The following RBMS2 variants were observed in gnomAD, a reference collection of about 807,000 sequenced individuals.
RBMS2 encodes the protein RNA binding motif single stranded interacting protein 2.
A neutral mutation model predicts 58.4 loss-of-function variants in RBMS2; 38 were observed. That is an observed-to-expected ratio of 0.65 (90% confidence interval 0.50 to 0.85). RBMS2 has a LOEUF of 0.85. Ranked by LOEUF, RBMS2 falls within the 40% of genes least tolerant of loss-of-function variation. RBMS2 has a pLI of 0.00. For synonymous variants in RBMS2, 151 were observed against 180.7 expected, an observed-to-expected ratio of 0.84 and a Z score of 1.32; for missense variants, 367 against 503.7, an observed-to-expected ratio of 0.73 and a Z score of 2.60.
intron 5 of RBMS2, among the ~76,000 whole-genome samples, chr12:56,579,071 A>G (rs1883540397): frequency 6.6e-6 from 1 of 152,130 alleles, no homozygotes. Context: ...AAGTCCCCCA[A>G]CTTTGTTGTT....
intron 1 of RBMS2, among the ~76,000 whole-genome samples, chr12:56,557,085 C>G (rs1203037992): frequency 2.0e-5 from 3 of 152,058 alleles, no homozygotes; most frequent in Admixed American, 2.0e-4. Context: ...TTATGATGCT[C>G]TCTTGTTGAA....
intron 1 of RBMS2, among the ~76,000 whole-genome samples, chr12:56,523,577 G>A (rs371304259): frequency 2.6e-5 from 4 of 152,050 alleles, no homozygotes; most frequent in Admixed American, 6.6e-5. Flanking sequence ...TCAGGAGTTC[G>A]AGACCAGCCT....
chr12:56,538,519 A>G (rs10735864), intron 1 of RBMS2, among the ~76,000 whole-genome samples: 86,015 of 134,942 alleles, frequency 0.64, 26,947 homozygotes, highest in East Asian at 0.74. Context: ...AGGCTGTCTC[A>G]CTCTGTCACC....
At chr12:56,520,853 T>TA (rs1443197186), upstream of RBMS2, among the ~76,000 whole-genome samples, 9 of 152,276 alleles carry the variant, frequency 5.9e-5, no homozygotes, top group East Asian at 1.7e-3. Flanking sequence ...TCATGGATCT[T>TA]AAAGATGAGG....
upstream of RBMS2, among the ~76,000 whole-genome samples, chr12:56,521,099 TG>T (rs1435533286): frequency 6.6e-6 from 1 of 152,118 alleles, no homozygotes; most frequent in Non-Finnish European, 1.5e-5. Flanking sequence ...CTCTGCTCTT[TG>T]GTGTGTTCCT....
intron 9 of RBMS2, 125 bp downstream of exon 9, chr12:56,582,277 C>G (rs1324621729): frequency 5.0e-6 from 4 of 804,136 alleles, no homozygotes; most frequent in Middle Eastern, 4.7e-4. Flanking sequence ...CACAATTTTA[C>G]ATAACAGCGT....
intron 1 of RBMS2, among the ~76,000 whole-genome samples, chr12:56,549,088 G>A (rs994339826): frequency 6.6e-6 from 1 of 151,950 alleles, no homozygotes; most frequent in African/African-American, 2.4e-5. Context: ...AACCTCCGAC[G>A]CCCAGGTTCA....
rs112552461 is a variant in RBMS2 at position 56,575,436 on chromosome 12, C to T, written c.542+3581C>T. ...TGGGCTACAGAGTGAGACCCTGTCT[C>T]AATAAATAAATCAATACAGGAATAT... On this transcript the variant is annotated intron_variant, in intron 5 of 13. Coordinates refer to ENST00000262031, the MANE Select transcript of RBMS2 (RefSeq NM_002898.4). Among the ~76,000 whole-genome samples, 277 of 151,848 alleles carry T rather than the reference C, an allele frequency of 1.8e-3. 1 individual carries two copies. The highest frequency in any genetic ancestry group is 6.4e-3 in the African/African-American group (267 of 41,412).
rs373238007 is a variant in RBMS2, at chr12:56,535,933, A to G, written c.66+13844A>G. Among the ~76,000 whole-genome samples, 7 of 152,216 alleles carry G rather than the reference A, an allele frequency of 4.6e-5. No individual in the cohort carries two copies. The East Asian group carries it at 9.7e-4, about 21-fold the overall frequency. ...AACGATTGTCCTGGTGTGGTGGCTA[A>G]CACCTGTAATCCTAGCACTTTGGGA... is the stretch of plus-strand genomic sequence containing the variant. On this transcript the variant is annotated intron_variant, in intron 1 of 13. Coordinates refer to ENST00000262031, the MANE Select transcript of RBMS2 (RefSeq NM_002898.4).
intron 1 of RBMS2, among the ~76,000 whole-genome samples, chr12:56,535,146 C>G (rs181601245): frequency 1.3e-5 from 2 of 152,046 alleles, no homozygotes; most frequent in South Asian, 2.1e-4. Flanking sequence ...CTTGGAGTAC[C>G]CCAGGACTCA....
At chr12:56,567,444 G>A (rs1565763062) in intron 2 of RBMS2, among the ~76,000 whole-genome samples, 1 of 151,100 alleles carries the variant, frequency 6.6e-6, no homozygotes, top group African/African-American at 2.4e-5. Flanking sequence ...AGGAGAGGAA[G>A]AAGAAGAAGA....
intron 4 of RBMS2, 67 bp from the exon 5 acceptor site, chr12:56,571,631 G>A (rs1331971694): frequency 2.9e-6 from 4 of 1,388,144 alleles, no homozygotes; most frequent in Non-Finnish European, 3.8e-6. Context: ...TGTCATTTGT[G>A]GGGAGGGCTG....
intron 1 of RBMS2, among the ~76,000 whole-genome samples, chr12:56,531,816 CA>C (rs58967351): frequency 0.011 from 1,008 of 88,252 alleles, 8 homozygotes; most frequent in African/African-American, 0.03. Context: ...GATTCCATTT[CA>C]AAAAAAAAAA....
intron 11 of RBMS2, among the ~76,000 whole-genome samples, chr12:56,587,938 C>T (rs1175176627): frequency 6.6e-6 from 1 of 152,258 alleles, no homozygotes; most frequent in South Asian, 2.1e-4. Flanking sequence ...CACACACGTC[C>T]TAGGAATCCT....
chr12:56,584,742 G>A (rs1884447994), intron 9 of RBMS2, among the ~76,000 whole-genome samples: 1 of 151,528 alleles, frequency 6.6e-6, no homozygotes, highest in South Asian at 2.1e-4. Flanking sequence ...CCGAGATCGC[G>A]CCACTGCACT....
Position 56,588,304 on chromosome 12 carries a change from C to G in RBMS2, c.1073C>G (p.Thr358Arg), listed in dbSNP as rs375943823. 28 of 1,613,542 alleles carry G rather than the reference C, an allele frequency of 1.7e-5. 1 individual carries two copies. The South Asian group carries it at 2.1e-4, about 12-fold the overall frequency. The change falls in exon 12 of 14, where the codon ACG becomes AGG. Residue 358 changes from threonine to arginine, a missense_variant. Thr to Arg is a moderately conservative substitution (Grantham distance 71, BLOSUM62 -1). Coordinates refer to ENST00000262031, the MANE Select transcript of RBMS2 (RefSeq NM_002898.4). ...SLSSTGTYMP[T>R]AAAMQGAYIS... is the part of the protein sequence containing the mutation. ...TGTTTCTCTTTCTAGTATATGCCGA[C>G]GGCTGCAGCTATGCAAGGAGCTTAC...
chr12:56,582,945 G>A (rs1565780691), intron 9 of RBMS2, among the ~76,000 whole-genome samples: 1 of 152,018 alleles, frequency 6.6e-6, no homozygotes, highest in Admixed American at 6.6e-5. Flanking sequence ...GCTGCGCCAC[G>A]CCCAGCCGTG....
chr12:56,581,904 C>T (rs1884006462), intron 8 of RBMS2, 25 bp downstream of exon 8: 2 of 1,611,448 alleles, frequency 1.2e-6, no homozygotes, highest in South Asian at 2.2e-5. Flanking sequence ...AATCAAGCCA[C>T]CTGAAAATGA....
At chr12:56,571,113 A>C (rs1882225312) in intron 4 of RBMS2, among the ~76,000 whole-genome samples, 1 of 152,150 alleles carries the variant, frequency 6.6e-6, no homozygotes, top group South Asian at 2.1e-4. Context: ...GGGCTCTCCT[A>C]CCTCTTCTTC....
Sources: allele counts gnomAD v4.1 joint callset (sites outside exome capture counted in the v4.1 genomes callset), GRCh38; gene constraint gnomAD v4.1.1; transcripts MANE v1.5; gene names NCBI Gene and HGNC (gene_info 2026-07-23, HGNC 2026-07-21).